The following PDE4D variants were observed in gnomAD, a reference collection of about 807,000 sequenced individuals.
PDE4D encodes phosphodiesterase 4D.
Under a neutral mutation model 87.4 loss-of-function variants are expected in PDE4D, and 24 were observed. The observed-to-expected ratio is 0.27, with a 90% confidence interval of 0.20 to 0.39. PDE4D has a LOEUF of 0.39. Ranked by LOEUF, PDE4D falls within the 10% of genes least tolerant of loss-of-function variation. The pLI is 1.00. For missense variants in PDE4D, 714 were observed against 1,041.0 expected (o/e 0.69, Z 4.32); for synonymous variants, 384 against 383.2 (o/e 1.00, Z -0.02).
At chr5:59,261,389 A>G (rs1761984744) in intron 1 of PDE4D, among the ~76,000 whole-genome samples, 1 of 151,940 alleles carries the variant, frequency 6.6e-6, no homozygotes, top group South Asian at 2.1e-4. Context: ...TAGTAATAGT[A>G]AAATGAGTTT....
chr5:59,774,142 A>C (rs905684075), intron 1 of PDE4D, among the ~76,000 whole-genome samples: 6 of 152,228 alleles, frequency 3.9e-5, no homozygotes, highest in Non-Finnish European at 8.8e-5. Context: ...AAAAATCAGT[A>C]ACATTTACGT....
upstream of PDE4D, among the ~76,000 whole-genome samples, chr5:59,895,348 C>A (rs1046867078): frequency 1.3e-5 from 2 of 152,184 alleles, no homozygotes; most frequent in Non-Finnish European, 2.9e-5. Context: ...GGAAATATAC[C>A]TTTCCTCCAT....
At chr5:59,314,582 G>A (rs1177653756) in intron 1 of PDE4D, 2 of 152,164 alleles carry the variant, frequency 1.3e-5, no homozygotes, top group Non-Finnish European at 2.9e-5. Flanking sequence ...TTGCAGAACA[G>A]AGTCGTCTGT....
At chr5:59,602,052 CA>C (rs1827584820) in intron 1 of PDE4D, among the ~76,000 whole-genome samples, 1 of 151,902 alleles carries the variant, frequency 6.6e-6, no homozygotes, top group Non-Finnish European at 1.5e-5. Context: ...TTTAAAAACA[CA>C]ATAAAAAGAC....
intron 1 of PDE4D, among the ~76,000 whole-genome samples, chr5:59,584,252 T>C (rs570840616): frequency 6.6e-6 from 1 of 152,212 alleles, no homozygotes; most frequent in Admixed American, 6.5e-5. Context: ...ACAACAACCA[T>C]TGAGAAAGTC....
At chr5:59,733,765 C>G (rs1339483264) in intron 1 of PDE4D, among the ~76,000 whole-genome samples, 3 of 151,992 alleles carry the variant, frequency 2.0e-5, no homozygotes, top group Admixed American at 1.3e-4. Flanking sequence ...TTCTTCTTCA[C>G]AGTCTTTAAT....
At chr5:59,420,800 A>C (rs1050320652) in intron 1 of PDE4D, among the ~76,000 whole-genome samples, 6 of 152,232 alleles carry the variant, frequency 3.9e-5, no homozygotes, top group South Asian at 2.1e-4. Flanking sequence ...TGGTAACACC[A>C]GTATCATATG....
At chr5:60,219,323 G>A (rs1221035566) in intron 1 of PDE4D, among the ~76,000 whole-genome samples, 1 of 152,114 alleles carries the variant, frequency 6.6e-6, no homozygotes, top group Non-Finnish European at 1.5e-5. Context: ...GTTTTGAGAA[G>A]TGACAATTGC....
chr5:59,738,081 T>C (rs1039426764), intron 1 of PDE4D, among the ~76,000 whole-genome samples: 12 of 152,176 alleles, frequency 7.9e-5, no homozygotes, highest in Non-Finnish European at 1.5e-4. Flanking sequence ...ACTGTTTCTA[T>C]GGCATATTTT....
At chr5:60,343,426 G>T (rs944549781) in intron 1 of PDE4D, among the ~76,000 whole-genome samples, 8 of 152,146 alleles carry the variant, frequency 5.3e-5, no homozygotes, top group Admixed American at 4.6e-4. Flanking sequence ...TTGCTACTCT[G>T]CAAATGGCAC....
chr5:59,032,075 T>C (rs1474289968), intron 6 of PDE4D, among the ~76,000 whole-genome samples: 2 of 152,230 alleles, frequency 1.3e-5, no homozygotes, highest in East Asian at 3.9e-4. Context: ...TTACAATTTC[T>C]AAAATAGATT....
chr5:60,217,250 G>A (rs1226265874), intron 1 of PDE4D, among the ~76,000 whole-genome samples: 1 of 151,916 alleles, frequency 6.6e-6, no homozygotes, highest in African/African-American at 2.4e-5. Flanking sequence ...CCAGACAATG[G>A]GGACAAGGAG....
chr5:60,222,102 C>T (rs1020287566), intron 1 of PDE4D, among the ~76,000 whole-genome samples: 2 of 152,070 alleles, frequency 1.3e-5, no homozygotes, highest in African/African-American at 4.8e-5. Flanking sequence ...GGATATTTCA[C>T]AAAACTATGG....
chr5:60,010,752 A>T (rs1764945478), intron 2 of PDE4D, among the ~76,000 whole-genome samples: 1 of 152,144 alleles, frequency 6.6e-6, no homozygotes, highest in African/African-American at 2.4e-5. Flanking sequence ...TGCAATTTTG[A>T]GATTATCTTT....
chr5:60,397,679 T>C (rs1762976151), intron 1 of PDE4D, among the ~76,000 whole-genome samples: 1 of 152,160 alleles, frequency 6.6e-6, no homozygotes, highest in Admixed American at 6.5e-5. Context: ...GGTCAAAGGA[T>C]AGGAAACTTC....
intron 1 of PDE4D, among the ~76,000 whole-genome samples, chr5:59,563,320 C>A (rs1820364670): frequency 6.6e-6 from 1 of 152,206 alleles, no homozygotes; most frequent in Admixed American, 6.5e-5. Flanking sequence ...AGGGTTGAAG[C>A]AGCAGGACTC....
chr5:60,316,013 A>G (rs565494978), intron 1 of PDE4D, among the ~76,000 whole-genome samples: 1 of 152,266 alleles, frequency 6.6e-6, no homozygotes, highest in African/African-American at 2.4e-5. Context: ...GTTTTTTCCA[A>G]TTCTTTGAAG....
chr5:59,419,924 C>A (rs1431894433), intron 1 of PDE4D, among the ~76,000 whole-genome samples: 1 of 152,118 alleles, frequency 6.6e-6, no homozygotes, highest in Non-Finnish European at 1.5e-5. Flanking sequence ...CAACAGTTCA[C>A]CAAAGGAACT....
At chr5:60,261,447 G>A (rs1749637012) in intron 1 of PDE4D, among the ~76,000 whole-genome samples, 1 of 152,024 alleles carries the variant, frequency 6.6e-6, no homozygotes, top group Non-Finnish European at 1.5e-5. Flanking sequence ...GGCTTTAGAG[G>A]AATTTCAATA....
Sources: allele counts gnomAD v4.1 joint callset (sites outside exome capture counted in the v4.1 genomes callset), GRCh38; gene constraint gnomAD v4.1.1; transcripts MANE v1.5; gene names NCBI Gene and HGNC (gene_info 2026-07-23, HGNC 2026-07-21).